Variants in CLEC6A observed in about 807,000 individuals in gnomAD.
CLEC6A encodes the protein C-type lectin domain containing 6A, also known as C-type lectin domain family 6 member A.
A neutral mutation model predicts 25.7 loss-of-function variants in CLEC6A; 22 were observed. The ratio of observed to expected loss-of-function variants is 0.85; its 90% CI spans 0.61 to 1.22. The LOEUF is 1.22. Ranked by LOEUF, CLEC6A falls within the 50% of genes most tolerant of loss-of-function variation. The pLI, the probability that CLEC6A is intolerant of heterozygous loss-of-function variation, is 0.00. For missense variants in CLEC6A, 240 were observed against 236.8 expected, an observed-to-expected ratio of 1.01 and a Z score of -0.09; for synonymous variants, 92 against 76.7, an observed-to-expected ratio of 1.20 and a Z score of -1.04.
intron 3 of CLEC6A, among the ~76,000 whole-genome samples, chr12:8,461,760 A>T (rs769574169): frequency 1.3e-5 from 2 of 152,196 alleles, no homozygotes; most frequent in Non-Finnish European, 2.9e-5. Flanking sequence ...TATCTTCTTC[A>T]GTTTGTTTCC....
chr12:8,475,141 T>A (rs1300608490), intron 4 of CLEC6A, among the ~76,000 whole-genome samples: 2 of 152,162 alleles, frequency 1.3e-5, no homozygotes, highest in Non-Finnish European at 2.9e-5. Flanking sequence ...TGTTTGATTT[T>A]CTGTCCTTGT....
intron 4 of CLEC6A, among the ~76,000 whole-genome samples, chr12:8,472,830 G>A (rs1325144499): frequency 6.6e-6 from 1 of 152,010 alleles, no homozygotes; most frequent in Non-Finnish European, 1.5e-5. Flanking sequence ...GCTGAGGTTT[G>A]GGGTACAACT....
chr12:8,474,288 T>C (rs905362955), intron 4 of CLEC6A, among the ~76,000 whole-genome samples: 4 of 152,150 alleles, frequency 2.6e-5, no homozygotes, highest in Non-Finnish European at 5.9e-5. Context: ...CTTCGGCATA[T>C]GATTACCCAG....
intron 4 of CLEC6A, among the ~76,000 whole-genome samples, chr12:8,474,648 G>C (rs774141275): frequency 6.6e-6 from 1 of 152,070 alleles, no homozygotes; most frequent in East Asian, 1.9e-4. Context: ...AGGAAGCCTC[G>C]GGGCAATACA....
intron 4 of CLEC6A, among the ~76,000 whole-genome samples, chr12:8,469,898 C>T (rs1303776637): frequency 6.6e-6 from 1 of 152,092 alleles, no homozygotes; most frequent in Non-Finnish European, 1.5e-5. Context: ...ACCAAGAACC[C>T]AAAAGCAAAT....
rs187905772 is a variant in CLEC6A at position 8,459,348 on chromosome 12, C to T, written c.122-249C>T. On this transcript the variant is annotated intron_variant, in intron 2 of 5. Transcript: ENST00000382073. The stretch of plus-strand genomic sequence containing the variant: ...GTGATTAATTGTTGTGGGAAACAGG[C>T]AGAATCTCTGTCCAAGAGCATGGAG... Among the ~76,000 whole-genome samples, 463 of 152,068 alleles carry T rather than the reference C, an allele frequency of 3.0e-3. 1 individual carries two copies. The highest frequency in any genetic ancestry group is 4.9e-3 in the Non-Finnish European group (333 of 67,992).
rs180851846 is a variant in CLEC6A at position 8,471,349 on chromosome 12, A to C, written c.370-4776A>C. On this transcript the variant is annotated intron_variant, in intron 4 of 5. Transcript: ENST00000382073. ...CTCTTCGATTTTTTGATATTGTTTC[A>C]GGAGGATTAGTGTTAATTCTTCTTT... is the stretch of plus-strand genomic sequence containing the variant. Among the ~76,000 whole-genome samples, 189 of 152,140 alleles carry C rather than the reference A, an allele frequency of 1.2e-3. 1 individual carries two copies. The highest frequency in any genetic ancestry group is 5.4e-4 in the Non-Finnish European group (37 of 67,954).
chr12:8,471,563 G>A (rs1939907309), intron 4 of CLEC6A, among the ~76,000 whole-genome samples: 1 of 151,774 alleles, frequency 6.6e-6, no homozygotes, highest in African/African-American at 2.4e-5. Flanking sequence ...TAATTTATTG[G>A]CATATAATTG....
chr12:8,475,483 AG>A (rs1252236237), intron 4 of CLEC6A, among the ~76,000 whole-genome samples: 1 of 152,024 alleles, frequency 6.6e-6, no homozygotes, highest in Non-Finnish European at 1.5e-5. Flanking sequence ...GACCTAGAAA[AG>A]CTGGTGGTGT....
At chr12:8,474,450 C>T (rs1939944464) in intron 4 of CLEC6A, among the ~76,000 whole-genome samples, 1 of 152,274 alleles carries the variant, frequency 6.6e-6, no homozygotes, top group South Asian at 2.1e-4. Flanking sequence ...TGTAGCAGTA[C>T]TCTAATGTTT....
At chr12:8,461,177 C>G in intron 3 of CLEC6A, 1 of 1,188,234 alleles carries the variant, frequency 8.4e-7, no homozygotes, top group Non-Finnish European at 1.2e-6. Context: ...ATTTGTGGTT[C>G]TCATCTGGCA....
intron 3 of CLEC6A, among the ~76,000 whole-genome samples, chr12:8,462,883 G>T (rs1442616410): frequency 6.6e-6 from 1 of 151,976 alleles, no homozygotes; most frequent in East Asian, 1.9e-4. Flanking sequence ...GGTGTGGAGG[G>T]GCAACCCACC....
chr12:8,470,093 T>C (rs1939885756), intron 4 of CLEC6A, among the ~76,000 whole-genome samples: 1 of 151,536 alleles, frequency 6.6e-6, no homozygotes, highest in Non-Finnish European at 1.5e-5. Flanking sequence ...GCAAGAAAAA[T>C]ACAAACAATC....
chr12:8,469,800 C>A (rs913418766), intron 4 of CLEC6A, among the ~76,000 whole-genome samples: 1 of 152,130 alleles, frequency 6.6e-6, no homozygotes, highest in Admixed American at 6.6e-5. Flanking sequence ...GGATCAAGGA[C>A]TTAAATCTAA....
intron 4 of CLEC6A, among the ~76,000 whole-genome samples, chr12:8,470,284 A>G (rs1157509758): frequency 2.0e-5 from 3 of 152,132 alleles, no homozygotes; most frequent in South Asian, 4.1e-4. Context: ...TCAAAATATA[A>G]TAGATGTTGG....
At position 8,465,508 on chromosome 12, in the gene CLEC6A, G is replaced by C; in HGVS notation, c.248G>C (p.Trp83Ser). 6.2e-7 allele frequency: 1 copy of C among 1,613,880 alleles called. No individual in the cohort carries two copies. The highest frequency in any genetic ancestry group is 1.3e-5 in the African/African-American group (1 of 74,972). ...VPAWGCCPAS[W>S]KSFGSSCYFI... ...GCCTGGGGATGTTGCCCAGCTTCTT[G>C]GAAGTCATTTGGTTCCAGTTGCTAC... Residue 83 changes from tryptophan (W) to serine (S), a missense_variant, in exon 4 of 6, where the codon TGG becomes TCG. Trp to Ser is a radical substitution (Grantham distance 177). Transcript: ENST00000382073.
chr12:8,476,468 A>G (rs952423231), intron 5 of CLEC6A, among the ~76,000 whole-genome samples: 17 of 152,134 alleles, frequency 1.1e-4, no homozygotes, highest in African/African-American at 3.9e-4. Context: ...AACTAATAAG[A>G]TGAGAAACTG....
intron 5 of CLEC6A, 90 bp downstream of exon 5, chr12:8,476,330 T>A (rs760416744): frequency 8.1e-6 from 6 of 743,964 alleles, no homozygotes; most frequent in Non-Finnish European, 1.4e-5. Context: ...GTAATTATGA[T>A]AACAGGATCT....
Position 8,477,602 on chromosome 12 carries a change from A to C in CLEC6A, c.*138A>C. 1 of 567,912 alleles carries C rather than the reference A, an allele frequency of 1.8e-6. No individual in the cohort carries two copies. The highest frequency in any genetic ancestry group is 2.8e-6 in the Non-Finnish European group (1 of 350,984). The allele number at this position is 567,912 out of a possible 1,614,324, so 35.2% of individuals were successfully genotyped here. ...TCCTTATGTTATAGAGGTTCACAGA[A>C]ATGGAAAGATACCTGTTTCCCTTTA... is the stretch of plus-strand genomic sequence containing the variant. On this transcript the variant is annotated 3_prime_UTR_variant, in exon 6 of 6. Coordinates refer to ENST00000382073, the MANE Select transcript of CLEC6A (RefSeq NM_001007033.2).
Sources: gnomAD v4.1 joint callset for allele counts (sites outside exome capture counted in the v4.1 genomes callset) on GRCh38, gnomAD v4.1.1 for gene constraint, MANE v1.5 for transcripts, NCBI Gene and HGNC (gene_info 2026-07-23, HGNC 2026-07-21) for gene names.